UVRAG: variants seen among roughly 807,000 people sequenced by gnomAD.
The protein encoded by UVRAG is UV radiation resistance-associated gene protein.
Under a neutral mutation model 78.0 loss-of-function variants are expected in UVRAG, and 19 were observed. The observed-to-expected ratio is 0.24, with a 90% CI of 0.17 to 0.36. UVRAG has a LOEUF of 0.36. UVRAG is among the 10% of genes least tolerant of loss of function. The pLI, the probability that UVRAG is intolerant of heterozygous loss-of-function variation, is 1.00. For synonymous variants in UVRAG, 323 were observed against 324.6 expected, an observed-to-expected ratio of 1.00 and a Z score of 0.05; for missense variants, 740 against 853.8, an observed-to-expected ratio of 0.87 and a Z score of 1.66.
intron 8 of UVRAG, among the ~76,000 whole-genome samples, chr11:75,999,820 T>G (rs1949777741): frequency 6.6e-6 from 1 of 152,184 alleles, no homozygotes; most frequent in Non-Finnish European, 1.5e-5. Flanking sequence ...GAAATGCTCT[T>G]TGGAGCATTT....
At position 75,974,407 on chromosome 11, in the gene UVRAG, C is replaced by T. The variant is rs1199923461; in HGVS notation, c.700-8980C>T. Among the ~76,000 whole-genome samples, 7 of 143,716 alleles carry T rather than the reference C, an allele frequency of 4.9e-5. No homozygotes were observed. The East Asian group carries it at 6.1e-4, about 13-fold the overall frequency. The allele number at this position is 143,716 out of a possible 152,430, so 94.3% of individuals were successfully genotyped here. On this transcript the variant is annotated intron_variant, in intron 7 of 14. Coordinates refer to ENST00000356136, the MANE Select transcript of UVRAG (RefSeq NM_003369.4). ...CGGAGTCTCGCTCTGTCGCCCAGGC[C>T]GGACTGCGGACTGCAGTGGCGCAAT...
At chr11:75,992,455 C>T (rs1050228487) in intron 8 of UVRAG, among the ~76,000 whole-genome samples, 1 of 152,052 alleles carries the variant, frequency 6.6e-6, no homozygotes, top group Non-Finnish European at 1.5e-5. Context: ...TATTAGAATC[C>T]TTAGAAGGTT....
rs1331507667 is a variant in UVRAG at position 76,143,938 on chromosome 11, A to G, written c.*2525A>G. ...TTTCTTACAGCTGAGACACTTTTAA[A>G]CAGCGGGCAAATGTTATCAAATGAA... On this transcript the variant is annotated 3_prime_UTR_variant, in exon 15 of 15. Transcript: ENST00000356136. Among the ~76,000 whole-genome samples, 1 of 152,250 alleles carries G rather than the reference A, an allele frequency of 6.6e-6. No homozygotes were observed. The highest frequency in any genetic ancestry group is 1.5e-5 in the Non-Finnish European group (1 of 68,038).
chr11:75,919,742 T>C lies in UVRAG; in HGVS notation c.593+7703T>C, dbSNP rs529003656. On this transcript the variant is annotated intron_variant, in intron 6 of 14. Coordinates refer to ENST00000356136, the MANE Select transcript of UVRAG (RefSeq NM_003369.4). Reference sequence around the variant, plus strand: ...ATTATGAGTGCACTGTCTTAGTTTTTAATAATGCTGTCTCCATTTAACAGA... The same window carrying C: ...ATTATGAGTGCACTGTCTTAGTTTTCAATAATGCTGTCTCCATTTAACAGA... Among the ~76,000 whole-genome samples the C allele has an allele frequency of 6.6e-5, 10 of 152,276 alleles. No homozygotes were observed. In the South Asian group the frequency reaches 2.1e-3, roughly 32 times the overall value.
At chr11:75,938,061 G>A (rs1204892453) in intron 6 of UVRAG, among the ~76,000 whole-genome samples, 1 of 150,694 alleles carries the variant, frequency 6.6e-6, no homozygotes, top group Non-Finnish European at 1.5e-5. Context: ...AAATATGTGT[G>A]TGTATATATA....
chr11:75,927,534 A>C (rs1948137542), intron 6 of UVRAG, among the ~76,000 whole-genome samples: 1 of 152,226 alleles, frequency 6.6e-6, no homozygotes, highest in Admixed American at 6.5e-5. Flanking sequence ...TTTAATAGGA[A>C]ATTCAGAAGT....
intron 12 of UVRAG, among the ~76,000 whole-genome samples, chr11:76,036,019 C>G (rs1950527091): frequency 6.6e-6 from 1 of 152,102 alleles, no homozygotes; most frequent in Non-Finnish European, 1.5e-5. Flanking sequence ...TGGTTTGGGA[C>G]CTGTCTCAAG....
chr11:76,044,510 G>A (rs1950709038), intron 12 of UVRAG, among the ~76,000 whole-genome samples: 2 of 152,208 alleles, frequency 1.3e-5, no homozygotes, highest in African/African-American at 4.8e-5. Flanking sequence ...CGCGGCTCAC[G>A]GCTGTAATCC....
rs779090597 is a variant in UVRAG at position 75,831,388 on chromosome 11, C to T, written c.117+15864C>T. On this transcript the variant is annotated intron_variant, in intron 1 of 14. Coordinates refer to ENST00000356136, the MANE Select transcript of UVRAG (RefSeq NM_003369.4). ...CTGTAATCCCAGCTACTTGGGAGGCCGAGGCAGGAGAATCACTTGAACCCG... is the reference window on the plus strand; with the variant it reads ...CTGTAATCCCAGCTACTTGGGAGGCTGAGGCAGGAGAATCACTTGAACCCG... 4.6e-5 allele frequency among the ~76,000 whole-genome samples: 7 copies of T among 151,592 alleles called. No homozygotes were observed. The East Asian group carries it at 5.8e-4, about 13-fold the overall frequency.
At chr11:76,047,105 A>G (rs1476478747) in intron 12 of UVRAG, among the ~76,000 whole-genome samples, 1 of 152,118 alleles carries the variant, frequency 6.6e-6, no homozygotes, top group Non-Finnish European at 1.5e-5. Context: ...CAGACATGTA[A>G]ACATATGATT....
At chr11:75,836,571 C>G (rs1413313000) in intron 1 of UVRAG, among the ~76,000 whole-genome samples, 6 of 152,180 alleles carry the variant, frequency 3.9e-5, no homozygotes, top group Non-Finnish European at 8.8e-5. Flanking sequence ...TCTTTCTTCA[C>G]AATTTCTTTG....
At chr11:75,896,017 A>G (rs1947337520) in intron 5 of UVRAG, among the ~76,000 whole-genome samples, 1 of 152,236 alleles carries the variant, frequency 6.6e-6, no homozygotes, top group African/African-American at 2.4e-5. Flanking sequence ...ATTCCAGAAG[A>G]CATGCAGTTT....
intron 7 of UVRAG, among the ~76,000 whole-genome samples, chr11:75,981,350 G>A (rs1949388018): frequency 6.6e-6 from 1 of 152,072 alleles, no homozygotes; most frequent in Admixed American, 6.5e-5. Context: ...GGCCCCAAGT[G>A]ATCTGCCCAC....
At chr11:76,035,784 A>G (rs895134704) in intron 12 of UVRAG, among the ~76,000 whole-genome samples, 8 of 152,216 alleles carry the variant, frequency 5.3e-5, no homozygotes, top group African/African-American at 9.6e-5. Flanking sequence ...CATGCCATAT[A>G]TTTTTATGAA....
chr11:76,058,762 G>A (rs1465837338), intron 12 of UVRAG, among the ~76,000 whole-genome samples: 5 of 152,114 alleles, frequency 3.3e-5, no homozygotes, highest in Non-Finnish European at 5.9e-5. Context: ...GCATTAAATG[G>A]GCAACAGGAA....
intron 1 of UVRAG, among the ~76,000 whole-genome samples, chr11:75,845,697 A>G (rs1946016754): frequency 6.6e-6 from 1 of 152,182 alleles, no homozygotes; most frequent in South Asian, 2.1e-4. Flanking sequence ...ACTGGGGCCT[A>G]TTTGAGGGGT....
chr11:76,010,442 C>T (rs1950029809), intron 11 of UVRAG, among the ~76,000 whole-genome samples: 1 of 152,050 alleles, frequency 6.6e-6, no homozygotes, highest in Admixed American at 6.6e-5. Flanking sequence ...GAAGACCTCT[C>T]TAAGGAGAAA....
chr11:76,019,806 C>G (rs1356946795), intron 12 of UVRAG, among the ~76,000 whole-genome samples: 2 of 152,192 alleles, frequency 1.3e-5, no homozygotes, highest in African/African-American at 2.4e-5. Context: ...TGGGTCTTAT[C>G]CTAGGCCCTG....
chr11:76,087,272 A>G (rs1017254145), intron 13 of UVRAG, among the ~76,000 whole-genome samples: 7 of 152,226 alleles, frequency 4.6e-5, no homozygotes, highest in African/African-American at 1.7e-4. Flanking sequence ...AGAAGTATTT[A>G]CAATTACAGA....
Sources: gnomAD v4.1 joint callset for allele counts (sites outside exome capture counted in the v4.1 genomes callset) on GRCh38, gnomAD v4.1.1 for gene constraint, MANE v1.5 for transcripts, NCBI Gene and HGNC (gene_info 2026-07-23, HGNC 2026-07-21) for gene names.